Variants in GNAI1 observed in about 807,000 individuals in gnomAD.
GNAI1 encodes the protein guanine nucleotide-binding protein G(i) subunit alpha-1.
Under a neutral mutation model 38.9 loss-of-function variants are expected in GNAI1, and 11 were observed. The ratio of observed to expected loss-of-function variants is 0.28; its 90% CI spans 0.18 to 0.47. The LOEUF (loss-of-function observed/expected upper bound fraction) is 0.47, where lower values mean the gene tolerates loss of function less well. Among genes scored for constraint, GNAI1 ranks in the 20% least tolerant of loss-of-function variants. GNAI1 has a pLI of 0.99. For missense variants in GNAI1, 317 were observed against 436.9 expected, an observed-to-expected ratio of 0.73 and a Z score of 2.45; for synonymous variants, 166 against 145.1, an observed-to-expected ratio of 1.14 and a Z score of -1.04.
chr7:80,145,990 T>C (rs898480803), intron 1 of GNAI1, among the ~76,000 whole-genome samples: 23 of 152,086 alleles, frequency 1.5e-4, no homozygotes, highest in African/African-American at 5.6e-4. Context: ...AGGAAAATTA[T>C]ATGTTGCATA....
chr7:80,204,797 A>G (rs1361133366), intron 5 of GNAI1, among the ~76,000 whole-genome samples: 1 of 152,192 alleles, frequency 6.6e-6, no homozygotes, highest in Non-Finnish European at 1.5e-5. Context: ...AAAAGAAATT[A>G]TGTAGCCTAT....
rs1386803038 is a variant in GNAI1, at chr7:80,219,343, T to G, written c.*1850T>G. 1.3e-5 allele frequency: 2 copies of G among 152,642 alleles called. No individual in the cohort carries two copies. Among genetic ancestry groups the G allele is most frequent in the Admixed American group, 1.3e-4 (2 of 15,278 alleles). 9.5% of individuals were successfully genotyped at this position (152,642 alleles called of 1,614,324 possible). A position where few individuals can be genotyped will look rare whatever the true frequency, so the allele number is the denominator to read the frequency against. On this transcript the variant is annotated 3_prime_UTR_variant, in exon 8 of 8. Coordinates refer to ENST00000649796, the MANE Select transcript of GNAI1 (RefSeq NM_002069.6). ...TTGGTGACCATCATTAATGAAATCCTGAACTTTATTCTGTGTAATTGTGTT... is the reference window on the plus strand; with the variant it reads ...TTGGTGACCATCATTAATGAAATCCGGAACTTTATTCTGTGTAATTGTGTT...
intron 1 of GNAI1, among the ~76,000 whole-genome samples, chr7:80,156,332 A>G (rs186652573): frequency 2.8e-4 from 43 of 152,348 alleles, no homozygotes; most frequent in Middle Eastern, 6.8e-3. Context: ...AGCAGTGAAT[A>G]AGAGATTTAA....
chr7:80,135,818 C>T (rs1583997357), intron 1 of GNAI1: 1 of 985,366 alleles, frequency 1.0e-6, no homozygotes, highest in South Asian at 4.7e-5. Context: ...TGTTAACTTC[C>T]TATGGCGACT....
At chr7:80,156,886 A>G (rs891378989) in intron 1 of GNAI1, among the ~76,000 whole-genome samples, 3 of 152,184 alleles carry the variant, frequency 2.0e-5, no homozygotes, top group African/African-American at 7.2e-5. Flanking sequence ...CCACACATGC[A>G]TAGACTCCTC....
intron 1 of GNAI1, among the ~76,000 whole-genome samples, chr7:80,160,884 A>G (rs914461201): frequency 1.3e-5 from 2 of 152,196 alleles, no homozygotes; most frequent in Non-Finnish European, 2.9e-5. Context: ...ATGTCCTGGT[A>G]ACTAATGTAA....
At chr7:80,210,132 A>G (rs1228547532) in intron 5 of GNAI1, among the ~76,000 whole-genome samples, 1 of 152,200 alleles carries the variant, frequency 6.6e-6, no homozygotes, top group Non-Finnish European at 1.5e-5. Flanking sequence ...TTTTCATTAT[A>G]TAAGTGGTTA....
intron 3 of GNAI1, among the ~76,000 whole-genome samples, chr7:80,194,173 A>G (rs2115651408): frequency 1.3e-5 from 2 of 152,314 alleles, no homozygotes; most frequent in Admixed American, 1.3e-4. Flanking sequence ...TTGTATTTAA[A>G]AAATCTTTGC....
intron 1 of GNAI1, among the ~76,000 whole-genome samples, chr7:80,180,185 T>C (rs563203562): frequency 1.3e-5 from 2 of 152,324 alleles, no homozygotes; most frequent in Admixed American, 1.3e-4. Flanking sequence ...GTATATGATT[T>C]CCTGATGAAG....
At chr7:80,157,737 A>G (rs1787842742) in intron 1 of GNAI1, among the ~76,000 whole-genome samples, 1 of 151,928 alleles carries the variant, frequency 6.6e-6, no homozygotes, top group South Asian at 2.1e-4. Flanking sequence ...ACAGAGTCTC[A>G]CTCTGTCACC....
At chr7:80,164,501 A>G (rs1371857226) in intron 1 of GNAI1, among the ~76,000 whole-genome samples, 2 of 151,748 alleles carry the variant, frequency 1.3e-5, no homozygotes, top group Non-Finnish European at 2.9e-5. Context: ...AGCTGGGACT[A>G]CAGGCGCCCA....
intron 1 of GNAI1, among the ~76,000 whole-genome samples, chr7:80,160,018 T>C (rs969665744): frequency 5.3e-5 from 8 of 152,168 alleles, no homozygotes; most frequent in African/African-American, 1.9e-4. Context: ...TAACTATCAG[T>C]AAATAAAGGA....
chr7:80,190,674 G>A (rs1407365995), intron 3 of GNAI1, among the ~76,000 whole-genome samples: 1 of 152,084 alleles, frequency 6.6e-6, no homozygotes, highest in Non-Finnish European at 1.5e-5. Context: ...AATAAAAATT[G>A]TACCTTACAC....
intron 1 of GNAI1, among the ~76,000 whole-genome samples, chr7:80,180,875 T>A (rs1788282429): frequency 6.6e-6 from 1 of 152,160 alleles, no homozygotes; most frequent in Admixed American, 6.5e-5. Context: ...AGGCCTCTCA[T>A]GTCCTGGTCT....
chr7:80,177,467 A>G (rs1392902446), intron 1 of GNAI1, among the ~76,000 whole-genome samples: 3 of 152,088 alleles, frequency 2.0e-5, no homozygotes, highest in East Asian at 1.9e-4. Context: ...ACTGATGGAG[A>G]GGTACAAGGA....
intron 3 of GNAI1, among the ~76,000 whole-genome samples, chr7:80,192,166 T>C (rs566221933): frequency 6.6e-5 from 10 of 152,174 alleles, no homozygotes; most frequent in Non-Finnish European, 1.5e-4. Context: ...ACAGAACTGT[T>C]AAGATTTTTA....
At position 80,223,546 on chromosome 7, in the gene GNAI1, T is replaced by C. The variant is rs981153382; in HGVS notation, c.*6053T>C. On this transcript the variant is annotated 3_prime_UTR_variant, in exon 8 of 8. Transcript: ENST00000649796. ...ATCAAGAGTAAAGTTAAGTCAAAGC[T>C]ACTTCTAAACAGCTCTATCTTTAAT... Among the ~76,000 whole-genome samples the C allele has an allele frequency of 5.3e-5, 8 of 152,336 alleles. No homozygotes were observed. Among genetic ancestry groups the C allele is most frequent in the Non-Finnish European group, 1.0e-4 (7 of 68,024 alleles).
chr7:80,215,091 C>T (rs1419285682), intron 7 of GNAI1, among the ~76,000 whole-genome samples: 2 of 152,120 alleles, frequency 1.3e-5, no homozygotes, highest in Non-Finnish European at 2.9e-5. Flanking sequence ...CCTCCCAGTT[C>T]TTCATTTTTG....
intron 1 of GNAI1, among the ~76,000 whole-genome samples, chr7:80,185,728 T>C (rs1788375109): frequency 6.6e-6 from 1 of 152,094 alleles, no homozygotes; most frequent in African/African-American, 2.4e-5. Context: ...ACTCCCAGCC[T>C]CCCAGAAGTG....
Sources: gnomAD v4.1 joint callset for allele counts (sites outside exome capture counted in the v4.1 genomes callset) on GRCh38, gnomAD v4.1.1 for gene constraint, MANE v1.5 for transcripts, NCBI Gene and HGNC (gene_info 2026-07-23, HGNC 2026-07-21) for gene names.